The following C1orf87 variants were observed in gnomAD, a reference collection of about 807,000 sequenced individuals.
C1orf87 encodes the protein uncharacterized protein C1orf87.
A neutral mutation model predicts 60.5 loss-of-function variants in C1orf87; 58 were observed. The observed-to-expected ratio is 0.96, with a 90% CI of 0.78 to 1.19. The LOEUF (loss-of-function observed/expected upper bound fraction) is 1.19. Ranked by LOEUF, C1orf87 falls within the 50% of genes most tolerant of loss-of-function variation. The pLI, the probability that C1orf87 is intolerant of heterozygous loss-of-function variation, is 0.00. For missense variants in C1orf87, 673 were observed against 638.6 expected (o/e 1.05, Z -0.58); for synonymous variants, 236 against 227.4 (o/e 1.04, Z -0.34).
In C1orf87 at chr1:60,033,640, T is replaced by C; in HGVS notation, c.865A>G (p.Thr289Ala). The change falls in exon 7 of 12, where the codon ACT becomes GCT. Residue 289 changes from threonine (T) to alanine (A), a missense_variant and splice_region_variant. Thr to Ala is a moderately conservative substitution (Grantham distance 58). Coordinates refer to ENST00000371201, the MANE Select transcript of C1orf87 (RefSeq NM_152377.3). Reference protein sequence around the residue: ...TESHGTHSQSTPPQHSSSQPE... With the variant: ...TESHGTHSQSAPPQHSSSQPE... The stretch of plus-strand genomic sequence containing the variant: ...TGTGAGCTGGAGTGCTGAGGTGGAG[T>C]GCTGATTGTAGGGGAAATGGGGAAG... 6.2e-7 allele frequency: 1 copy of C among 1,610,100 alleles called. No homozygotes were observed. Among genetic ancestry groups the C allele is most frequent in the Non-Finnish European group, 8.5e-7 (1 of 1,178,220 alleles).
At chr1:60,029,927 C>A (rs965152401) in intron 7 of C1orf87, among the ~76,000 whole-genome samples, 2 of 152,002 alleles carry the variant, frequency 1.3e-5, no homozygotes, top group Non-Finnish European at 2.9e-5. Flanking sequence ...ATGTGAGCCA[C>A]CATGCCCGGT....
intron 5 of C1orf87, among the ~76,000 whole-genome samples, chr1:60,039,702 C>A (rs1645304857): frequency 6.6e-6 from 1 of 152,124 alleles, no homozygotes. Context: ...CAGGGAGGAC[C>A]TTTAAAGAGA....
intron 2 of C1orf87, among the ~76,000 whole-genome samples, chr1:60,065,005 AATATATATTAAAT>A (rs1280402390): frequency 7.5e-5 from 3 of 39,834 alleles, no homozygotes; most frequent in African/African-American, 2.4e-4. Context: ...ATAAATATTA[AATATATATTAAAT>A]ATATATATTT....
At chr1:60,001,186 G>A in intron 9 of C1orf87, 30 bp from the exon 10 acceptor site, 2 of 1,480,724 alleles carry the variant, frequency 1.4e-6, no homozygotes, top group Non-Finnish European at 1.8e-6. Context: ...AAAAAAGGAA[G>A]GGTTTAGCTT....
In C1orf87 at chr1:59,999,711, A is replaced by G. The variant is rs149115003; in HGVS notation, c.1272+1366T>C. The stretch of plus-strand genomic sequence containing the variant: ...TTGGGTGGCACACAAAACCATTTAT[A>G]TTCTAGTTATTGCTTATCTACCCAG... On this transcript the variant is annotated intron_variant, in intron 10 of 11. Transcript: ENST00000371201. 5.3e-3 allele frequency among the ~76,000 whole-genome samples: 804 copies of G among 152,214 alleles called. 8 individuals carry two copies. The highest frequency in any genetic ancestry group is 0.018 in the African/African-American group (742 of 41,560).
At position 59,990,917 on chromosome 1, in the gene C1orf87, T is replaced by C. The variant is rs542703752; in HGVS notation, c.1481-84A>G. 2,488 of 1,378,166 alleles carry C rather than the reference T, an allele frequency of 1.8e-3. 4 individuals are homozygous for C. Among genetic ancestry groups the C allele is most frequent in the Non-Finnish European group, 2.4e-3 (2,391 of 1,001,560 alleles). 85.4% of individuals were successfully genotyped at this position (1,378,166 alleles called of 1,614,324 possible). On this transcript the variant is annotated intron_variant, in intron 11 of 11. Coordinates refer to ENST00000371201, the MANE Select transcript of C1orf87 (RefSeq NM_152377.3). ...AAACTATATATTAGCTTGAATGACTTCCAGGTAAAGACTAAATGCTAATAC... is the reference window on the plus strand; with the variant it reads ...AAACTATATATTAGCTTGAATGACTCCCAGGTAAAGACTAAATGCTAATAC...
At chr1:60,001,825 G>C (rs997911519) in intron 9 of C1orf87, among the ~76,000 whole-genome samples, 1 of 152,114 alleles carries the variant, frequency 6.6e-6, no homozygotes, top group African/African-American at 2.4e-5. Context: ...GGAAGAGGTT[G>C]AACAGCCTCA....
At chr1:60,038,415 TC>T (rs1645294411) in intron 5 of C1orf87, among the ~76,000 whole-genome samples, 1 of 152,110 alleles carries the variant, frequency 6.6e-6, no homozygotes, top group African/African-American at 2.4e-5. Context: ...GGACTCTTTT[TC>T]CCCTTCTGCT....
chr1:59,995,030 CAG>C (rs1644953891), intron 11 of C1orf87, among the ~76,000 whole-genome samples: 1 of 152,152 alleles, frequency 6.6e-6, no homozygotes, highest in Non-Finnish European at 1.5e-5. Flanking sequence ...TTCATGGAAA[CAG>C]AGAAAACAGG....
At chr1:60,011,895 G>T (rs965949720) in intron 8 of C1orf87, among the ~76,000 whole-genome samples, 13 of 152,132 alleles carry the variant, frequency 8.5e-5, no homozygotes, top group Non-Finnish European at 1.9e-4. Flanking sequence ...GCCACTTTGG[G>T]CACATGATTA....
intron 4 of C1orf87, 78 bp from the exon 5 acceptor site, chr1:60,040,258 A>G: frequency 6.6e-7 from 1 of 1,525,012 alleles, no homozygotes; most frequent in South Asian, 1.3e-5. Flanking sequence ...GCAGAGGCAC[A>G]CTGGGGCTGG....
At chr1:60,040,639 G>A (rs757600021) in intron 4 of C1orf87, among the ~76,000 whole-genome samples, 9 of 152,176 alleles carry the variant, frequency 5.9e-5, no homozygotes, top group Non-Finnish European at 1.3e-4. Flanking sequence ...CGAGGAGCAT[G>A]AGGAGTTCGG....
At chr1:59,997,963 G>T in intron 10 of C1orf87, 147 bp from the exon 11 acceptor site, 1 of 728,878 alleles carries the variant, frequency 1.4e-6, no homozygotes, top group Non-Finnish European at 2.2e-6. Flanking sequence ...AATCTTCAGT[G>T]CCATAAGATC....
chr1:60,067,342 T>G (rs189767970), intron 2 of C1orf87, among the ~76,000 whole-genome samples: 368 of 152,270 alleles, frequency 2.4e-3, no homozygotes, highest in African/African-American at 8.0e-3. Flanking sequence ...TCCTGACATT[T>G]CAATGATTGC....
At chr1:60,039,645 T>TCTGTAA (rs1645304434) in intron 5 of C1orf87, among the ~76,000 whole-genome samples, 3 of 152,178 alleles carry the variant, frequency 2.0e-5, no homozygotes, top group Admixed American at 1.3e-4. Context: ...TTTTCTTGAA[T>TCTGTAA]CTGTAACTAC....
intron 7 of C1orf87, among the ~76,000 whole-genome samples, chr1:60,032,346 C>G (rs2100285391): frequency 6.6e-6 from 1 of 151,956 alleles, no homozygotes; most frequent in Admixed American, 6.6e-5. Flanking sequence ...TCTCAGTTTC[C>G]ATAACTCTTC....
rs35390476 is a variant in C1orf87 at position 60,037,922 on chromosome 1, CT to C, written c.863+69del. ...TTTATAAGCCACCCAGTTTATGGTA[CT>C]TTTTTATAGCAGCCCACACAGACTA... On this transcript the variant is annotated intron_variant, in intron 6 of 11. Transcript: ENST00000371201. 2.6e-5 allele frequency: 26 copies of C among 990,098 alleles called. No individual in the cohort carries two copies. The East Asian group carries it at 6.5e-4, about 25-fold the overall frequency. 61.3% of individuals were successfully genotyped at this position (990,098 alleles called of 1,614,324 possible).
intron 2 of C1orf87, among the ~76,000 whole-genome samples, chr1:60,058,743 C>A (rs964037281): frequency 1.3e-5 from 2 of 152,136 alleles, no homozygotes; most frequent in African/African-American, 4.8e-5. Context: ...CTGTCTACTT[C>A]ATTGCACAGA....
At chr1:60,065,503 C>T (rs1436256818) in intron 2 of C1orf87, among the ~76,000 whole-genome samples, 1 of 151,976 alleles carries the variant, frequency 6.6e-6, no homozygotes, top group Non-Finnish European at 1.5e-5. Flanking sequence ...CCCTTATGTT[C>T]CTTTATTTTT....
Sources: allele counts gnomAD v4.1 joint callset (sites outside exome capture counted in the v4.1 genomes callset), GRCh38; gene constraint gnomAD v4.1.1; transcripts MANE v1.5; gene names NCBI Gene and HGNC (gene_info 2026-07-23, HGNC 2026-07-21).